Variants in PSPC1 observed in about 807,000 individuals in gnomAD.
The protein encoded by PSPC1 is paraspeckle protein 1.
A neutral mutation model predicts 51.6 loss-of-function variants in PSPC1; 14 were observed. That is an observed-to-expected ratio of 0.27 (90% CI 0.18 to 0.42). PSPC1 has a LOEUF of 0.42. Among genes scored for constraint, PSPC1 ranks in the 10% least tolerant of loss-of-function variants. The pLI is 1.00. For missense variants in PSPC1, 406 were observed against 701.1 expected (o/e 0.58, Z 4.75); for synonymous variants, 193 against 231.9 (o/e 0.83, Z 1.53).
chr13:19,696,556 A>G (rs893833964), intron 6 of PSPC1, among the ~76,000 whole-genome samples: 2 of 151,994 alleles, frequency 1.3e-5, no homozygotes, highest in East Asian at 1.9e-4. Flanking sequence ...CAAAGAAAAT[A>G]TTTTAATATA....
At chr13:19,736,396 T>C (rs1884789143) in intron 5 of PSPC1, among the ~76,000 whole-genome samples, 1 of 151,958 alleles carries the variant, frequency 6.6e-6, no homozygotes, top group African/African-American at 2.4e-5. Flanking sequence ...AAAAATTACA[T>C]CTTCAGGCCA....
chr13:19,773,996 G>C (rs1022317093), intron 1 of PSPC1, among the ~76,000 whole-genome samples: 1 of 151,982 alleles, frequency 6.6e-6, no homozygotes, highest in South Asian at 2.1e-4. Flanking sequence ...TACTGGCATG[G>C]GTTACACATT....
intron 3 of PSPC1, among the ~76,000 whole-genome samples, chr13:19,751,977 G>A (rs1456751843): frequency 6.6e-6 from 1 of 152,186 alleles, no homozygotes; most frequent in East Asian, 1.9e-4. Context: ...AGAATGGCAT[G>A]AACCCAGGAG....
intron 3 of PSPC1, among the ~76,000 whole-genome samples, chr13:19,757,141 A>AG (rs1375928456): frequency 6.6e-6 from 1 of 151,866 alleles, no homozygotes; most frequent in Admixed American, 6.6e-5. Context: ...AAAAAAAAAA[A>AG]AAAAAAGAAA....
intron 5 of PSPC1, among the ~76,000 whole-genome samples, chr13:19,737,426 TTTG>T (rs1400544935): frequency 2.0e-5 from 3 of 152,182 alleles, no homozygotes; most frequent in Non-Finnish European, 4.4e-5. Flanking sequence ...TGAATTTGGG[TTTG>T]TTTTTTCTCA....
At chr13:19,771,778 G>C (rs901932992) in intron 2 of PSPC1, among the ~76,000 whole-genome samples, 4 of 151,942 alleles carry the variant, frequency 2.6e-5, no homozygotes, top group African/African-American at 9.7e-5. Context: ...GCACCACCAC[G>C]CCCGGCTAAT....
At chr13:19,741,494 T>A in intron 5 of PSPC1, 71 bp downstream of exon 5, 4 of 1,118,304 alleles carry the variant, frequency 3.6e-6, no homozygotes, top group Non-Finnish European at 5.2e-6. Context: ...TTATACAACT[T>A]GTAACAGGTT....
chr13:19,695,003 C>T (rs143246237), intron 6 of PSPC1, among the ~76,000 whole-genome samples: 50 of 152,266 alleles, frequency 3.3e-4, no homozygotes, highest in African/African-American at 1.2e-3. Context: ...ACACTTCAAA[C>T]TGCAAGAAAC....
chr13:19,674,158 A>G (rs1876354637), downstream of PSPC1, among the ~76,000 whole-genome samples: 2 of 152,156 alleles, frequency 1.3e-5, no homozygotes, highest in African/African-American at 4.8e-5. Context: ...AGGACAACAT[A>G]ACTTGGCTAT....
At chr13:19,771,447 A>G (rs1888619199) in intron 2 of PSPC1, among the ~76,000 whole-genome samples, 1 of 151,244 alleles carries the variant, frequency 6.6e-6, no homozygotes, top group Non-Finnish European at 1.5e-5. Context: ...CCAAGGTACT[A>G]TTTTTTTTGA....
intron 2 of PSPC1, among the ~76,000 whole-genome samples, chr13:19,761,967 T>G (rs1259569146): frequency 6.6e-6 from 1 of 152,182 alleles, no homozygotes; most frequent in Non-Finnish European, 1.5e-5. Flanking sequence ...GCAGATGATA[T>G]GTCATTCATC....
intron 5 of PSPC1, among the ~76,000 whole-genome samples, chr13:19,732,993 C>T (rs1293787339): frequency 1.3e-5 from 2 of 151,208 alleles, no homozygotes; most frequent in African/African-American, 4.9e-5. Context: ...TTCCGAATTA[C>T]AAAGACAATA....
chr13:19,741,594 C>T lies in PSPC1; in HGVS notation c.1023G>A (p.Glu341=), dbSNP rs761854735. Residue 341 remains glutamate, a synonymous_variant, in exon 5 of 9, where the codon GAG becomes GAA. Transcript: ENST00000338910. ...LRRLEELRNQ[E]LQKRKQIQLR... The stretch of plus-strand genomic sequence containing the variant: ...GTTGTATTTGCTTCCGTTTTTGCAA[C>T]TCTTGGTTTCTGAGTTCTTCCAAGC... The T allele has an allele frequency of 5.6e-6, 9 of 1,604,132 alleles. No individual in the cohort carries two copies. In the South Asian group the frequency reaches 1.0e-4, roughly 18 times the overall value.
chr13:19,736,109 C>G (rs558406241), intron 5 of PSPC1, among the ~76,000 whole-genome samples: 1 of 151,880 alleles, frequency 6.6e-6, no homozygotes, highest in African/African-American at 2.4e-5. Flanking sequence ...CATGAGCCAC[C>G]GCGCCCGGCC....
chr13:19,777,399 C>T (rs1341268767), intron 1 of PSPC1, among the ~76,000 whole-genome samples: 1 of 132,080 alleles, frequency 7.6e-6, no homozygotes, highest in Non-Finnish European at 1.5e-5. Flanking sequence ...CGCTGCACTC[C>T]AGCCTGGGCG....
chr13:19,680,099 T>A (rs1167155277), intron 6 of PSPC1, among the ~76,000 whole-genome samples: 1 of 152,078 alleles, frequency 6.6e-6, no homozygotes, highest in African/African-American at 2.4e-5. Context: ...ACTGCAACCT[T>A]CACCTCCCAG....
At chr13:19,691,804 G>A (rs770839506) in intron 6 of PSPC1, among the ~76,000 whole-genome samples, 27 of 152,106 alleles carry the variant, frequency 1.8e-4, no homozygotes, top group Non-Finnish European at 3.5e-4. Context: ...TGTAGTTCCA[G>A]CTTCTCAGAA....
intron 2 of PSPC1, among the ~76,000 whole-genome samples, chr13:19,769,087 C>T (rs1888362137): frequency 6.6e-6 from 1 of 150,854 alleles, no homozygotes; most frequent in African/African-American, 2.5e-5. Flanking sequence ...TTGTAGCAGC[C>T]GACATGGAAC....
At chr13:19,686,896 T>C (rs1302671807) in intron 6 of PSPC1, among the ~76,000 whole-genome samples, 1 of 152,178 alleles carries the variant, frequency 6.6e-6, no homozygotes, top group African/African-American at 2.4e-5. Context: ...TGACCAAGTA[T>C]GAATATAGCC....
Sources: gnomAD v4.1 joint callset for allele counts (sites outside exome capture counted in the v4.1 genomes callset) on GRCh38, gnomAD v4.1.1 for gene constraint, MANE v1.5 for transcripts, NCBI Gene and HGNC (gene_info 2026-07-23, HGNC 2026-07-21) for gene names.